The following CTIF variants were observed in gnomAD, a reference collection of about 807,000 sequenced individuals.
CTIF encodes the protein cap binding complex dependent translation initiation factor, also known as CBP80/20-dependent translation initiation factor.
A neutral mutation model predicts 66.0 loss-of-function variants in CTIF; 21 were observed. That is an observed-to-expected ratio of 0.32 (90% CI 0.23 to 0.46). The LOEUF (loss-of-function observed/expected upper bound fraction) is 0.46. Ranked by LOEUF, CTIF falls within the 20% of genes least tolerant of loss-of-function variation. The probability of loss-of-function intolerance (pLI) is 1.00; values close to 1 mark genes in which losing one functional copy is unlikely to be tolerated. For synonymous variants in CTIF, 345 were observed against 326.4 expected (o/e 1.06, Z -0.62); for missense variants, 739 against 812.7 (o/e 0.91, Z 1.10).
chr18:48,746,158 C>A (rs2092594828), intron 7 of CTIF, among the ~76,000 whole-genome samples: 2 of 152,292 alleles, frequency 1.3e-5, no homozygotes, highest in East Asian at 1.9e-4. Flanking sequence ...ATCTGTGGGG[C>A]CATCTTTGCT....
intron 3 of CTIF, among the ~76,000 whole-genome samples, chr18:48,641,538 C>A (rs1421855331): frequency 2.6e-5 from 4 of 152,184 alleles, no homozygotes; most frequent in Non-Finnish European, 4.4e-5. Flanking sequence ...TCCCAACATT[C>A]CCTGGAATAA....
rs2069518001 is a variant in CTIF, at chr18:48,863,190, A to AAAAC, written c.*3634_*3635insCAAA. ...AACCCAAACTACAAGTGGGTTTAAA[A>AAAAC]AAATAAACACCACCACCAAAAACAA... is the stretch of plus-strand genomic sequence containing the variant. On this transcript the variant is annotated 3_prime_UTR_variant, in exon 12 of 12. Coordinates refer to ENST00000256413, the MANE Select transcript of CTIF (RefSeq NM_014772.3). The AAAAC allele has an allele frequency of 9.0e-6, 1 of 111,244 alleles. No individual in the cohort carries two copies. Among genetic ancestry groups the AAAAC allele is most frequent in the Non-Finnish European group, 1.9e-5 (1 of 52,588 alleles). 6.9% of individuals were successfully genotyped at this position (111,244 alleles called of 1,614,324 possible). A position where few individuals can be genotyped will look rare whatever the true frequency, so the allele number is the denominator to read the frequency against.
At chr18:48,828,435 T>G (rs2068626321) in intron 10 of CTIF, among the ~76,000 whole-genome samples, 1 of 152,206 alleles carries the variant, frequency 6.6e-6, no homozygotes, top group Non-Finnish European at 1.5e-5. Context: ...ATCAACTATT[T>G]GGCATTTTTT....
At chr18:48,857,238 T>C (rs2069349371) in intron 10 of CTIF, among the ~76,000 whole-genome samples, 1 of 152,238 alleles carries the variant, frequency 6.6e-6, no homozygotes, top group Admixed American at 6.5e-5. Context: ...TGAGGACTTC[T>C]GCTGACCAGT....
At chr18:48,544,768 T>C (rs1283852982) in intron 1 of CTIF, among the ~76,000 whole-genome samples, 1 of 152,238 alleles carries the variant, frequency 6.6e-6, no homozygotes, top group Non-Finnish European at 1.5e-5. Context: ...CTAAGAGGTT[T>C]ACTTGATCAT....
In CTIF at chr18:48,735,808, G is replaced by A. The variant is rs918533603; in HGVS notation, c.585-22111G>A. 3.9e-5 allele frequency among the ~76,000 whole-genome samples: 6 copies of A among 152,114 alleles called. No individual in the cohort carries two copies. In the South Asian group the frequency reaches 6.2e-4, roughly 16 times the overall value. On this transcript the variant is annotated intron_variant, in intron 7 of 11. Coordinates refer to ENST00000256413, the MANE Select transcript of CTIF (RefSeq NM_014772.3). ...CTGGGTCTGGTGAGAAGGAGGAGGC[G>A]CTCCCATTCCATCTCCAGTCCTCCC...
At chr18:48,713,511 C>T (rs989043333) in intron 7 of CTIF, among the ~76,000 whole-genome samples, 1 of 152,038 alleles carries the variant, frequency 6.6e-6, no homozygotes, top group African/African-American at 2.4e-5. Flanking sequence ...GCTGGGAAGC[C>T]GAGCTTCCGC....
intron 9 of CTIF, among the ~76,000 whole-genome samples, chr18:48,772,048 G>T (rs1910194632): frequency 6.6e-6 from 1 of 152,230 alleles, no homozygotes; most frequent in South Asian, 2.1e-4. Context: ...GAGAGCAGTG[G>T]CCCCTGGGCA....
chr18:48,782,817 G>A (rs1469655666), intron 9 of CTIF, among the ~76,000 whole-genome samples: 1 of 152,174 alleles, frequency 6.6e-6, no homozygotes, highest in African/African-American at 2.4e-5. Context: ...ACAGGGCTGA[G>A]TGTGAGTGTG....
chr18:48,621,431 C>A, intron 2 of CTIF: 1 of 249,728 alleles, frequency 4.0e-6, no homozygotes, highest in Non-Finnish European at 7.9e-6. Context: ...GGGAGAGCTG[C>A]GGAGATGAGT....
At chr18:48,843,466 T>C (rs1488631079) in intron 10 of CTIF, among the ~76,000 whole-genome samples, 1 of 152,054 alleles carries the variant, frequency 6.6e-6, no homozygotes, top group Non-Finnish European at 1.5e-5. Context: ...CACCCATCTC[T>C]AGGCCATGGG....
chr18:48,669,904 T>C (rs1034619735), intron 5 of CTIF, among the ~76,000 whole-genome samples: 42 of 145,750 alleles, frequency 2.9e-4, no homozygotes, highest in African/African-American at 1.0e-3. Flanking sequence ...GTTCTAAGCA[T>C]CTAAGCACTC....
chr18:48,565,710 G>A (rs2089265076), intron 1 of CTIF: 1 of 152,254 alleles, frequency 6.6e-6, no homozygotes, highest in Non-Finnish European at 1.5e-5. Context: ...GACAGTGCCT[G>A]GCACACAACC....
intron 6 of CTIF, among the ~76,000 whole-genome samples, chr18:48,699,019 C>A (rs1043582261): frequency 7.9e-5 from 12 of 152,232 alleles, no homozygotes; most frequent in Admixed American, 6.5e-4. Flanking sequence ...ACCCTCTGTC[C>A]CTCCAGCACC....
chr18:48,787,700 G>A (rs1281795263), intron 9 of CTIF, among the ~76,000 whole-genome samples: 1 of 152,136 alleles, frequency 6.6e-6, no homozygotes, highest in Non-Finnish European at 1.5e-5. Context: ...TCTCCCAGAC[G>A]GCTGCCTCTG....
At chr18:48,787,053 AGTTT>A (rs1246752895) in intron 9 of CTIF, among the ~76,000 whole-genome samples, 1 of 151,896 alleles carries the variant, frequency 6.6e-6, no homozygotes, top group Non-Finnish European at 1.5e-5. Flanking sequence ...TGTGGCTGGG[AGTTT>A]GTTTGAAGCC....
intron 5 of CTIF, among the ~76,000 whole-genome samples, chr18:48,667,082 GACAC>G (rs4044188): frequency 0.016 from 2,324 of 142,256 alleles, 22 homozygotes; most frequent in Middle Eastern, 0.039. Context: ...CAGGAAAGTA[GACAC>G]ACACACACAC....
At chr18:48,855,596 G>A (rs2069310034) in intron 10 of CTIF, among the ~76,000 whole-genome samples, 1 of 152,222 alleles carries the variant, frequency 6.6e-6, no homozygotes, top group Non-Finnish European at 1.5e-5. Flanking sequence ...CGGGACAGTA[G>A]CGTGGGCTGT....
intron 10 of CTIF, among the ~76,000 whole-genome samples, chr18:48,848,187 C>G (rs1193856418): frequency 6.6e-6 from 1 of 152,224 alleles, no homozygotes; most frequent in African/African-American, 2.4e-5. Context: ...GGCCTTTACC[C>G]GTCACTATCT....
Sources: gnomAD v4.1 joint callset for allele counts (sites outside exome capture counted in the v4.1 genomes callset) on GRCh38, gnomAD v4.1.1 for gene constraint, MANE v1.5 for transcripts, NCBI Gene and HGNC (gene_info 2026-07-23, HGNC 2026-07-21) for gene names.